ANOS1: variants seen among roughly 807,000 people sequenced by gnomAD.
The protein encoded by ANOS1 is anosmin-1.
ANOS1 carries 6 observed loss-of-function variants against 59.0 expected under a neutral mutation model. That is an observed-to-expected ratio of 0.10 (90% CI 0.06 to 0.20). ANOS1 has a LOEUF of 0.20. ANOS1 is among the 10% of genes least tolerant of loss of function. ANOS1 has a pLI of 1.00. For synonymous variants in ANOS1, 217 were observed against 223.4 expected, an observed-to-expected ratio of 0.97 and a Z score of 0.25; for missense variants, 433 against 542.3, an observed-to-expected ratio of 0.80 and a Z score of 2.00.
chrX:8,610,138 G>A (rs1270945892), intron 3 of ANOS1, among the ~76,000 whole-genome samples: 1 of 109,278 alleles, frequency 9.2e-6, no homozygotes, highest in African/African-American at 3.3e-5. Context: ...TTTAGGGATG[G>A]ACTAAGTGGC....
intron 2 of ANOS1, among the ~76,000 whole-genome samples, chrX:8,688,061 G>A (rs766639507): frequency 2.1e-4 from 24 of 112,099 alleles, no homozygotes; most frequent in Non-Finnish European, 3.9e-4. Context: ...CAACGATTAC[G>A]TATAAGGTGG....
At chrX:8,576,810 T>C (rs988355468) in intron 6 of ANOS1, among the ~76,000 whole-genome samples, 3 of 111,381 alleles carry the variant, frequency 2.7e-5, no homozygotes, top group Non-Finnish European at 3.8e-5. Context: ...TATTCCACCA[T>C]CAAAATAAGG....
chrX:8,539,664 G>A lies in ANOS1; in HGVS notation c.1449C>T (p.His483=), dbSNP rs147662148. Residue 483 remains histidine (H), a splice_region_variant and synonymous_variant, in exon 10 of 14, where the codon CAC becomes CAT. Coordinates refer to ENST00000262648, the MANE Select transcript of ANOS1 (RefSeq NM_000216.4). ...TGSEASSGMT[H]ENYIILQDLS... ...GTTGGCCTAGAGATCATGTCCTTACGTGGGTCATGCCAGATGATGCCTCTG... is the reference window on the plus strand; with the variant it reads ...GTTGGCCTAGAGATCATGTCCTTACATGGGTCATGCCAGATGATGCCTCTG... 15 of 1,209,613 alleles carry A rather than the reference G, an allele frequency of 1.2e-5. No homozygotes were observed. Among genetic ancestry groups the A allele is most frequent in the Admixed American group, 4.4e-5 (2 of 45,662 alleles).
chrX:8,687,008 A>G (rs901079297), intron 2 of ANOS1, among the ~76,000 whole-genome samples: 2 of 111,630 alleles, frequency 1.8e-5, no homozygotes, highest in African/African-American at 6.5e-5. Context: ...CCTCCCCAAA[A>G]TGGCATGACA....
rs1259621450 is a variant in ANOS1 at position 8,732,046 on chromosome X, T to C, written c.-10A>G. ...GCACCCCGGGCACCATGGCTGCGGG[T>C]CGAGGGCGAGGGCGAGGGCGCCGGG... On this transcript the variant is annotated 5_prime_UTR_variant, in exon 1 of 14. Coordinates refer to ENST00000262648, the MANE Select transcript of ANOS1 (RefSeq NM_000216.4). The C allele has an allele frequency of 1.1e-6, 1 of 949,679 alleles. No homozygotes were observed. The highest frequency in any genetic ancestry group is 2.1e-5 in the African/African-American group (1 of 48,183). The allele number at this position is 949,679 out of a possible 1,213,427, so 78.3% of individuals were successfully genotyped here.
chrX:8,697,078 C>T (rs1245897616), intron 2 of ANOS1, among the ~76,000 whole-genome samples: 1 of 111,755 alleles, frequency 8.9e-6, no homozygotes, highest in Non-Finnish European at 1.9e-5. Context: ...TCCATCTCTA[C>T]TAAAAAATAC....
chrX:8,699,179 T>C (rs1003120249), intron 2 of ANOS1, among the ~76,000 whole-genome samples: 2 of 111,386 alleles, frequency 1.8e-5, no homozygotes, highest in Non-Finnish European at 3.8e-5. Context: ...ATCAAACATA[T>C]AAATAAGTAA....
intron 2 of ANOS1, among the ~76,000 whole-genome samples, chrX:8,668,426 T>C (rs182492684): frequency 0.34 from 27,567 of 81,756 alleles, 3,950 homozygotes; most frequent in East Asian, 0.59. Context: ...TATATATATA[T>C]ATATACACAC....
chrX:8,723,275 C>G (rs1174610423), intron 1 of ANOS1, among the ~76,000 whole-genome samples: 2 of 112,400 alleles, frequency 1.8e-5, no homozygotes, highest in African/African-American at 3.2e-5. Flanking sequence ...AACAGACAAC[C>G]CACAAAGTGG....
In ANOS1 at chrX:8,557,974, A is replaced by G. The variant is rs145899857; in HGVS notation, c.1208-3876T>C. 1.7e-3 allele frequency among the ~76,000 whole-genome samples: 196 copies of G among 112,119 alleles called. 2 individuals carry two copies. Among genetic ancestry groups the G allele is most frequent in the African/African-American group, 6.1e-3 (188 of 30,869 alleles). On this transcript the variant is annotated intron_variant, in intron 8 of 13. Transcript: ENST00000262648. ...ATAAAGAAAATGTGGCATACACACC[A>G]TGGAATACTATGTAGCCATATAAAG...
intron 2 of ANOS1, among the ~76,000 whole-genome samples, chrX:8,649,679 T>G (rs771634499): frequency 2.7e-5 from 3 of 112,635 alleles, no homozygotes; most frequent in Non-Finnish European, 5.6e-5. Context: ...TCTTAACATG[T>G]CCAAGTTCCC....
chrX:8,588,735 A>C (rs776040361), intron 4 of ANOS1, among the ~76,000 whole-genome samples: 19 of 112,571 alleles, frequency 1.7e-4, no homozygotes, highest in African/African-American at 6.1e-4. Flanking sequence ...CCTTCTGTAC[A>C]TGCAAGTTGT....
chrX:8,659,630 C>CTTCCTTCCTTCCTTCCTTCCTTCCTTCT (rs796320426), intron 2 of ANOS1, among the ~76,000 whole-genome samples: 11 of 45,178 alleles, frequency 2.4e-4, no homozygotes, highest in African/African-American at 9.9e-4. Flanking sequence ...TCCTTCCTTC[C>CTTCCTTCCTTCCTTCCTTCCTTCCTTCT]TTCTTTCTTT....
At chrX:8,594,240 C>A (rs916748406) in intron 4 of ANOS1, among the ~76,000 whole-genome samples, 1 of 110,563 alleles carries the variant, frequency 9.0e-6, no homozygotes, top group African/African-American at 3.3e-5. Flanking sequence ...GGGAGGCAAT[C>A]TTATTTCACA....
At chrX:8,533,232 C>T (rs1278571269) in intron 13 of ANOS1, among the ~76,000 whole-genome samples, 179 bp from the exon 14 acceptor site, 4 of 111,853 alleles carry the variant, frequency 3.6e-5, no homozygotes, top group African/African-American at 6.5e-5. Context: ...TCCTGTTTTT[C>T]TCTTCCTCTT....
chrX:8,655,064 T>TGAG (rs1335301209), intron 2 of ANOS1, among the ~76,000 whole-genome samples: 1 of 110,008 alleles, frequency 9.1e-6, no homozygotes, highest in African/African-American at 3.3e-5. Context: ...ATGGACTGGG[T>TGAG]GAGGAGGAGG....
At chrX:8,570,271 G>C (rs762211770) in intron 7 of ANOS1, among the ~76,000 whole-genome samples, 3 of 111,941 alleles carry the variant, frequency 2.7e-5, no homozygotes, top group Non-Finnish European at 3.8e-5. Context: ...CATTTAGATA[G>C]GAGTAGGTCA....
chrX:8,561,284 A>T (rs1168002212), intron 8 of ANOS1, among the ~76,000 whole-genome samples: 2 of 111,278 alleles, frequency 1.8e-5, no homozygotes, highest in African/African-American at 6.5e-5. Flanking sequence ...ACTGAGAATC[A>T]TTTATTTTAT....
rs748783542 is a variant in ANOS1, at chrX:8,708,669, T to C, written c.208-8924A>G. Reference sequence around the variant, plus strand: ...AATCCTTTTACACTGTTGGTGGGAGTGTAAATTAGTTCAACCATTGTGGAA... The same window carrying C: ...AATCCTTTTACACTGTTGGTGGGAGCGTAAATTAGTTCAACCATTGTGGAA... On this transcript the variant is annotated intron_variant, in intron 1 of 13. Transcript: ENST00000262648. Among the ~76,000 whole-genome samples, 12 of 111,556 alleles carry C rather than the reference T, an allele frequency of 1.1e-4. No homozygotes were observed. In the South Asian group the frequency reaches 4.6e-3, roughly 43 times the overall value.
Sources: allele counts gnomAD v4.1 joint callset (sites outside exome capture counted in the v4.1 genomes callset), GRCh38; gene constraint gnomAD v4.1.1; transcripts MANE v1.5; gene names NCBI Gene and HGNC (gene_info 2026-07-23, HGNC 2026-07-21).